Variants in OPCML observed in about 807,000 individuals in gnomAD.
OPCML encodes the protein opioid binding protein/cell adhesion molecule like.
A neutral mutation model predicts 37.8 loss-of-function variants in OPCML; 13 were observed. The observed-to-expected ratio is 0.34, with a 90% CI of 0.22 to 0.55. The LOEUF is 0.55. Among genes scored for constraint, OPCML ranks in the 20% least tolerant of loss-of-function variants. The pLI is 0.91. For synonymous variants in OPCML, 176 were observed against 168.8 expected (o/e 1.04, Z -0.33); for missense variants, 341 against 435.6 (o/e 0.78, Z 1.93).
In OPCML at chr11:133,422,032, T is replaced by G. The variant is rs145015656; in HGVS notation, c.61+110232A>C. The stretch of plus-strand genomic sequence containing the variant: ...GTGCAGAATGTGCATTTTTGTTACA[T>G]AGGTGTATACGTGCCATGGTGGTTT... On this transcript the variant is annotated intron_variant, in intron 1 of 7. Transcript: ENST00000524381. 9.6e-6 allele frequency: 5 copies of G among 521,808 alleles called. No individual in the cohort carries two copies. The East Asian group carries it at 7.5e-4, about 78-fold the overall frequency. The allele number at this position is 521,808 out of a possible 1,614,324, so 32.3% of individuals were successfully genotyped here.
chr11:133,069,187 C>A (rs1184846897), intron 1 of OPCML, among the ~76,000 whole-genome samples: 1 of 152,156 alleles, frequency 6.6e-6, no homozygotes, highest in South Asian at 2.1e-4. Flanking sequence ...CCTCAGTCTT[C>A]CCATCTCCAA....
chr11:133,433,251 C>CAAAAAAAAAAAAA lies in OPCML; in HGVS notation c.61+99000_61+99012dup, dbSNP rs71477795. ...TGGGCGACAGAGCGAGACTCCGTCT[C>CAAAAAAAAAAAAA]AAAAAAAAAAAAAAAAAAATATTAC... On this transcript the variant is annotated intron_variant, in intron 1 of 7. Transcript: ENST00000524381. Among the ~76,000 whole-genome samples, 412 of 90,650 alleles carry CAAAAAAAAAAAAA rather than the reference C, an allele frequency of 4.5e-3. 35 individuals carry two copies. Among genetic ancestry groups the CAAAAAAAAAAAAA allele is most frequent in the African/African-American group, 0.017 (380 of 21,758 alleles). The allele number at this position is 90,650 out of a possible 152,430, so 59.5% of individuals were successfully genotyped here. A position where few individuals can be genotyped will look rare whatever the true frequency, so the allele number is the denominator to read the frequency against.
At chr11:132,610,262 C>A (rs750764711) in intron 3 of OPCML, among the ~76,000 whole-genome samples, 4 of 152,190 alleles carry the variant, frequency 2.6e-5, no homozygotes, top group Admixed American at 1.3e-4. Context: ...GATTACTCAG[C>A]TGTTTCTTGA....
chr11:133,190,375 T>C (rs1319931228), intron 1 of OPCML, among the ~76,000 whole-genome samples: 3 of 152,182 alleles, frequency 2.0e-5, no homozygotes, highest in Non-Finnish European at 4.4e-5. Context: ...GGTAATCTCT[T>C]TGAATGACCA....
intron 3 of OPCML, among the ~76,000 whole-genome samples, chr11:132,644,707 C>G (rs1323454064): frequency 1.3e-5 from 2 of 152,178 alleles, no homozygotes; most frequent in Non-Finnish European, 2.9e-5. Flanking sequence ...AAGGAATCCT[C>G]CTGGCAGTGT....
At chr11:132,454,786 G>A (rs2096077358) in intron 4 of OPCML, among the ~76,000 whole-genome samples, 2 of 152,158 alleles carry the variant, frequency 1.3e-5, no homozygotes, top group Non-Finnish European at 2.9e-5. Flanking sequence ...CACATAAATT[G>A]CTTCATAACT....
intron 2 of OPCML, among the ~76,000 whole-genome samples, chr11:132,811,086 C>G (rs992780071): frequency 2.0e-5 from 3 of 152,134 alleles, no homozygotes; most frequent in Non-Finnish European, 4.4e-5. Flanking sequence ...TAGGTGCCCC[C>G]CAAGAGCTGT....
chr11:132,520,674 A>ATATATATGTGTGTGTGTGTGTG (rs10630619), intron 4 of OPCML, among the ~76,000 whole-genome samples: 19 of 128,020 alleles, frequency 1.5e-4, no homozygotes, highest in Non-Finnish European at 2.9e-4. Context: ...CTAAATATAT[A>ATATATATGTGTGTGTGTGTGTG]TGTGTGTGTG....
intron 4 of OPCML, among the ~76,000 whole-genome samples, chr11:132,506,746 A>C (rs190213247): frequency 2.6e-5 from 4 of 152,188 alleles, no homozygotes; most frequent in Non-Finnish European, 5.9e-5. Flanking sequence ...ATTTATTTCA[A>C]AAAACTATAG....
chr11:132,581,993 C>G (rs929396408), intron 3 of OPCML, among the ~76,000 whole-genome samples: 7 of 152,146 alleles, frequency 4.6e-5, no homozygotes, highest in African/African-American at 1.7e-4. Context: ...CCCAGTGAAA[C>G]AAACTGGGCT....
rs537661540 is a variant in OPCML, at chr11:133,209,270, C to T, written c.62-266260G>A. Reference sequence around the variant, plus strand: ...TTTCCGCATCTAGTGCAATACCTGGCGTGGAAAAGATGTTCAACAATGATT... The same window carrying T: ...TTTCCGCATCTAGTGCAATACCTGGTGTGGAAAAGATGTTCAACAATGATT... On this transcript the variant is annotated intron_variant, in intron 1 of 7. Transcript: ENST00000524381. Among the ~76,000 whole-genome samples the T allele has an allele frequency of 9.2e-5, 14 of 152,222 alleles. No individual in the cohort carries two copies. The South Asian group carries it at 1.0e-3, about 11-fold the overall frequency.
At chr11:132,770,556 A>G (rs1324994442) in intron 2 of OPCML, among the ~76,000 whole-genome samples, 1 of 152,152 alleles carries the variant, frequency 6.6e-6, no homozygotes, top group African/African-American at 2.4e-5. Context: ...TGGGAGAACT[A>G]ATTTCCCACC....
intron 1 of OPCML, among the ~76,000 whole-genome samples, chr11:133,091,374 TC>T: frequency 6.6e-6 from 1 of 152,208 alleles, no homozygotes; most frequent in South Asian, 2.1e-4. Context: ...GGAATGAGTC[TC>T]CCCCATACCA....
intron 1 of OPCML, chr11:133,300,776 G>A (rs1942757135): frequency 1.3e-5 from 2 of 152,226 alleles, no homozygotes; most frequent in African/African-American, 4.8e-5. Context: ...GTTCCCTTAA[G>A]AGGGAGGCAG....
chr11:132,783,372 T>A (rs1165197460), intron 2 of OPCML, among the ~76,000 whole-genome samples: 1 of 152,158 alleles, frequency 6.6e-6, no homozygotes, highest in Non-Finnish European at 1.5e-5. Flanking sequence ...GTCATATGCA[T>A]AACAGACTAA....
intron 1 of OPCML, chr11:133,005,954 T>C (rs1170852329): frequency 2.0e-6 from 2 of 985,330 alleles, no homozygotes; most frequent in African/African-American, 1.7e-5. Context: ...TGTGTGCAGC[T>C]TCCAGGACAA....
chr11:132,632,947 GAA>G (rs58661397), intron 3 of OPCML, among the ~76,000 whole-genome samples: 3,772 of 125,788 alleles, frequency 0.03, 89 homozygotes, highest in African/African-American at 0.065. Flanking sequence ...TCACCATATT[GAA>G]AAAAAAAAAA....
At chr11:132,649,950 C>T (rs1390385409) in intron 3 of OPCML, among the ~76,000 whole-genome samples, 2 of 151,770 alleles carry the variant, frequency 1.3e-5, no homozygotes, top group Non-Finnish European at 2.9e-5. Context: ...CACACACACA[C>T]ACAGTTTTCA....
chr11:132,578,972 A>T (rs2096456666), intron 3 of OPCML, among the ~76,000 whole-genome samples: 1 of 151,916 alleles, frequency 6.6e-6, no homozygotes, highest in East Asian at 1.9e-4. Context: ...TTCCCGCTAT[A>T]TTGGAAAGAA....
Sources: gnomAD v4.1 joint callset for allele counts (sites outside exome capture counted in the v4.1 genomes callset) on GRCh38, gnomAD v4.1.1 for gene constraint, MANE v1.5 for transcripts, NCBI Gene and HGNC (gene_info 2026-07-23, HGNC 2026-07-21) for gene names.